CAPZB: variants seen among roughly 807,000 people sequenced by gnomAD.
The protein encoded by CAPZB is capping actin protein of muscle Z-line subunit beta, also known as F-actin-capping protein subunit beta.
A neutral mutation model predicts 38.1 loss-of-function variants in CAPZB; 2 were observed. The observed-to-expected ratio is 0.05, with a 90% CI of 0.02 to 0.17. CAPZB has a LOEUF of 0.17. CAPZB is among the 10% of genes least tolerant of loss of function. CAPZB has a pLI of 1.00. For synonymous variants in CAPZB, 107 were observed against 127.4 expected (o/e 0.84, Z 1.08); for missense variants, 161 against 334.2 (o/e 0.48, Z 4.04).
At chr1:19,393,123 C>A (rs538223958) in intron 2 of CAPZB, among the ~76,000 whole-genome samples, 98 of 152,376 alleles carry the variant, frequency 6.4e-4, no homozygotes, top group African/African-American at 2.2e-3. Context: ...ATTAGGAACA[C>A]TGAGCCACGG....
chr1:19,363,784 G>A (rs2094067615), intron 4 of CAPZB, among the ~76,000 whole-genome samples: 2 of 152,152 alleles, frequency 1.3e-5, no homozygotes, highest in Admixed American at 6.5e-5. Flanking sequence ...GGAAGAAGGG[G>A]CTTTGAAGCT....
intron 1 of CAPZB, among the ~76,000 whole-genome samples, chr1:19,465,615 G>A (rs532691255): frequency 1.9e-4 from 29 of 152,306 alleles, no homozygotes; most frequent in Non-Finnish European, 2.4e-4. Flanking sequence ...TAGAAGTGGT[G>A]TGGTCCATTG....
chr1:19,355,886 G>A (rs1411742263), intron 6 of CAPZB, among the ~76,000 whole-genome samples: 4 of 152,180 alleles, frequency 2.6e-5, no homozygotes, highest in Admixed American at 6.5e-5. Flanking sequence ...TTTATACAAG[G>A]TTCTTAAACC....
intron 1 of CAPZB, among the ~76,000 whole-genome samples, chr1:19,444,221 A>G (rs1417826724): frequency 2.0e-5 from 3 of 152,148 alleles, no homozygotes; most frequent in Non-Finnish European, 4.4e-5. Flanking sequence ...AGTGTCTCCC[A>G]TAGAAAGAGG....
chr1:19,400,790 C>G (rs1167592415), intron 2 of CAPZB, among the ~76,000 whole-genome samples: 1 of 152,072 alleles, frequency 6.6e-6, no homozygotes, highest in Non-Finnish European at 1.5e-5. Context: ...GAGGACAAGG[C>G]CAAGGAACGG....
intron 1 of CAPZB, among the ~76,000 whole-genome samples, chr1:19,441,358 C>T (rs1436019933): frequency 1.3e-5 from 2 of 152,176 alleles, no homozygotes; most frequent in African/African-American, 4.8e-5. Flanking sequence ...TAAGGGTGTA[C>T]TCAGGAACAC....
Position 19,339,339 on chromosome 1 carries a change from G to C in CAPZB, c.*191C>G. ...GAACTGAGAGCGAGGTGTGGCAGAA[G>C]CAGGCTCGGAGCCGGAGGAGGGTGG... On this transcript the variant is annotated 3_prime_UTR_variant, in exon 9 of 9. Coordinates refer to ENST00000264202, the MANE Select transcript of CAPZB (RefSeq NM_004930.5). 3 of 634,828 alleles carry C rather than the reference G, an allele frequency of 4.7e-6. No homozygotes were observed. The highest frequency in any genetic ancestry group is 8.4e-6 in the Non-Finnish European group (3 of 355,314). The allele number at this position is 634,828 out of a possible 1,614,324, so 39.3% of individuals were successfully genotyped here. A position where few individuals can be genotyped will look rare whatever the true frequency, so the allele number is the denominator to read the frequency against.
At chr1:19,391,845 G>A (rs1015826088) in intron 2 of CAPZB, among the ~76,000 whole-genome samples, 1 of 152,176 alleles carries the variant, frequency 6.6e-6, no homozygotes, top group Non-Finnish European at 1.5e-5. Flanking sequence ...GGACATGGGC[G>A]GCCCTGCTCT....
At chr1:19,434,464 T>C (rs1050066258) in intron 1 of CAPZB, among the ~76,000 whole-genome samples, 3 of 148,852 alleles carry the variant, frequency 2.0e-5, no homozygotes, top group Non-Finnish European at 4.4e-5. Flanking sequence ...GTGGCTCACA[T>C]CTATAATCCT....
At chr1:19,471,656 A>G (rs921310166) in intron 1 of CAPZB, among the ~76,000 whole-genome samples, 2 of 152,086 alleles carry the variant, frequency 1.3e-5, no homozygotes, top group Non-Finnish European at 2.9e-5. Context: ...CAAGGTCAGG[A>G]GATCAAGACC....
At chr1:19,349,145 G>C (rs1438104991) in intron 6 of CAPZB, among the ~76,000 whole-genome samples, 1 of 152,164 alleles carries the variant, frequency 6.6e-6, no homozygotes, top group African/African-American at 2.4e-5. Context: ...CAAGACGACG[G>C]GGTGGGCTGT....
At chr1:19,374,655 G>A (rs760842111) in intron 4 of CAPZB, among the ~76,000 whole-genome samples, 1 of 152,236 alleles carries the variant, frequency 6.6e-6, no homozygotes, top group Non-Finnish European at 1.5e-5. Flanking sequence ...TCTCCTGGCA[G>A]GGTGGGTCTG....
At position 19,439,818 on chromosome 1, in the gene CAPZB, C is replaced by T. The variant is rs116083072; in HGVS notation, c.4-20068G>A. On this transcript the variant is annotated intron_variant, in intron 1 of 8. Coordinates refer to ENST00000264202, the MANE Select transcript of CAPZB (RefSeq NM_004930.5). ...ACTGGATCACTGGGTGCTTAATAGG[C>T]GCCAACCATTTCAGAAACCACCTCT... Among the ~76,000 whole-genome samples, 1,249 of 152,280 alleles carry T rather than the reference C, an allele frequency of 8.2e-3. 17 individuals are homozygous for T. Among genetic ancestry groups the T allele is most frequent in the African/African-American group, 0.027 (1,133 of 41,550 alleles).
chr1:19,376,703 A>G (rs2094146330), intron 4 of CAPZB, among the ~76,000 whole-genome samples: 1 of 152,166 alleles, frequency 6.6e-6, no homozygotes, highest in Admixed American at 6.5e-5. Flanking sequence ...TCACTGGTCC[A>G]CTGTTTGTTT....
chr1:19,476,175 GATAGATAGA>G, intron 1 of CAPZB, among the ~76,000 whole-genome samples: 1 of 19,976 alleles, frequency 5.0e-5, no homozygotes, highest in African/African-American at 2.1e-4. Context: ...TAAGTAGATA[GATAGATAGA>G]TAGATAGATA....
intron 1 of CAPZB, among the ~76,000 whole-genome samples, chr1:19,436,288 AAGCTATGTACCCGTT>A (rs2094457935): frequency 6.6e-6 from 1 of 152,158 alleles, no homozygotes; most frequent in Admixed American, 6.5e-5. Flanking sequence ...CACACTGTAC[AAGCTATGTACCCGTT>A]AGTCACTCAG....
intron 1 of CAPZB, among the ~76,000 whole-genome samples, chr1:19,455,677 C>T (rs2094530865): frequency 1.3e-5 from 2 of 152,162 alleles, no homozygotes; most frequent in South Asian, 4.1e-4. Flanking sequence ...ATAAAAATCA[C>T]TGAGGAGCTA....
chr1:19,432,872 A>G (rs1570253650), intron 1 of CAPZB, among the ~76,000 whole-genome samples: 2 of 152,338 alleles, frequency 1.3e-5, no homozygotes, highest in South Asian at 4.1e-4. Context: ...AAAATCAGAT[A>G]GGGGCAATGA....
intron 1 of CAPZB, among the ~76,000 whole-genome samples, chr1:19,446,769 A>G (rs2094497368): frequency 6.6e-6 from 1 of 152,272 alleles, no homozygotes; most frequent in Non-Finnish European, 1.5e-5. Flanking sequence ...CTATCAAGTG[A>G]GTAAAAAAAT....
Sources: gnomAD v4.1 joint callset for allele counts (sites outside exome capture counted in the v4.1 genomes callset) on GRCh38, gnomAD v4.1.1 for gene constraint, MANE v1.5 for transcripts, NCBI Gene and HGNC (gene_info 2026-07-23, HGNC 2026-07-21) for gene names.